The following ENSA variants were observed in gnomAD, a reference collection of about 807,000 sequenced individuals.
ENSA encodes alpha-endosulfine.
A neutral mutation model predicts 16.8 loss-of-function variants in ENSA; 7 were observed. That is an observed-to-expected ratio of 0.42 (90% confidence interval 0.24 to 0.78). ENSA has a LOEUF of 0.78. Among genes scored for constraint, ENSA ranks in the 30% least tolerant of loss-of-function variants. ENSA has a pLI of 0.29. For missense variants in ENSA, 87 were observed against 142.3 expected, an observed-to-expected ratio of 0.61 and a Z score of 1.98; for synonymous variants, 58 against 53.4, an observed-to-expected ratio of 1.09 and a Z score of -0.37.
Position 150,627,452 on chromosome 1 carries a change from G to C in ENSA, c.183+15C>G, listed in dbSNP as rs929956795. The C allele has an allele frequency of 1.2e-6, 2 of 1,614,142 alleles. No individual in the cohort carries two copies. The highest frequency in any genetic ancestry group is 2.2e-5 in the East Asian group (1 of 44,902). ...TTAGCTCCAAAGAAAGAGGGTAAGA[G>C]ACTATGCCCCATACCCCTTTCTGGA... On this transcript the variant is annotated intron_variant, in intron 2 of 3. Transcript: ENST00000369014.
intron 2 of ENSA, chr1:150,626,941 T>C (rs1304320574): frequency 3.4e-6 from 2 of 583,222 alleles, no homozygotes; most frequent in South Asian, 5.2e-5. Flanking sequence ...GCTATGAAAG[T>C]AGACTCTCTC....
At chr1:150,623,557 A>C (rs587723103) in intron 3 of ENSA, 1 of 985,774 alleles carries the variant, frequency 1.0e-6, no homozygotes, top group South Asian at 4.7e-5. Flanking sequence ...ATGATAGAGA[A>C]GGCAGCTCAG....
chr1:150,627,053 C>A, intron 2 of ENSA: 1 of 1,243,454 alleles, frequency 8.0e-7, no homozygotes, highest in Non-Finnish European at 1.0e-6. Context: ...TGATTCATTT[C>A]AAGTTGAGGA....
Position 150,625,698 on chromosome 1 carries a change from G to T in ENSA, c.294C>A (p.Pro98=). 1 of 1,613,152 alleles carries T rather than the reference G, an allele frequency of 6.2e-7. No homozygotes were observed. Among genetic ancestry groups the T allele is most frequent in the Non-Finnish European group, 8.5e-7 (1 of 1,179,610 alleles). ...DKNLVTGDHI[P]TPQDLPQRKS... ...TTCTCTGGGGCAGATCCTGTGGGGT[G>T]GGGATGTGATCACCAGTCACCAGGT... The change falls in exon 3 of 4, where the codon CCC becomes CCA. Residue 98 remains proline (P), a synonymous_variant. Transcript: ENST00000369014.
At chr1:150,622,979 G>T in intron 3 of ENSA, 120 bp from the exon 4 acceptor site, 3 of 1,304,370 alleles carry the variant, frequency 2.3e-6, no homozygotes, top group Non-Finnish European at 3.1e-6. Flanking sequence ...CAACCATTAG[G>T]CTACCTGGCA....
Position 150,629,476 on chromosome 1 carries a change from G to T in ENSA, c.-6C>A. On this transcript the variant is annotated 5_prime_UTR_variant, in exon 1 of 4. Transcript: ENST00000369014. ...TCTTCTTGTTTCTGGGACATGGCGG[G>T]ACCGGGACTGTGGAGTGTAAGGGGC... The T allele has an allele frequency of 6.2e-7, 1 of 1,613,536 alleles. No homozygotes were observed. Among genetic ancestry groups the T allele is most frequent in the South Asian group, 1.1e-5 (1 of 91,030 alleles).
chr1:150,627,414 C>A lies in ENSA; in HGVS notation c.183+53G>T, dbSNP rs772214484. Reference sequence around the variant, plus strand: ...CAGTAGAACCTCTACAGACTTCATTCGAAGAACCTCCTTTAGCTCCAAAGA... The same window carrying A: ...CAGTAGAACCTCTACAGACTTCATTAGAAGAACCTCCTTTAGCTCCAAAGA... On this transcript the variant is annotated intron_variant, in intron 2 of 3. Coordinates refer to ENST00000369014, the MANE Select transcript of ENSA (RefSeq NM_004436.4). 7.4e-6 allele frequency: 12 copies of A among 1,614,180 alleles called. 1 individual carries two copies. Among genetic ancestry groups the A allele is most frequent in the Admixed American group, 5.0e-5 (3 of 60,022 alleles).
At chr1:150,626,945 C>T in intron 2 of ENSA, 2 of 622,776 alleles carry the variant, frequency 3.2e-6, no homozygotes, top group Non-Finnish European at 4.1e-6. Flanking sequence ...TGAAAGTAGA[C>T]TCTCTCTTGG....
downstream of ENSA, chr1:150,621,777 T>C (rs1407337308): frequency 6.6e-6 from 1 of 152,156 alleles, no homozygotes; most frequent in Admixed American, 6.5e-5. Context: ...TTTTGGTTTG[T>C]CACATTTCTC....
intron 3 of ENSA, chr1:150,623,449 C>G (rs1649092696): frequency 1.0e-6 from 1 of 985,682 alleles, no homozygotes; most frequent in African/African-American, 1.7e-5. Context: ...GGTAGAGAGA[C>G]AGAGTGAGAC....
intron 2 of ENSA, chr1:150,626,487 C>G (rs1027232318): frequency 5.0e-6 from 8 of 1,613,354 alleles, no homozygotes; most frequent in South Asian, 1.1e-5. Flanking sequence ...ACCATTTCAT[C>G]CGCACAGAGA....
intron 2 of ENSA, 53 bp from the exon 3 acceptor site, chr1:150,625,861 A>G (rs1649270447): frequency 1.1e-5 from 17 of 1,513,768 alleles, no homozygotes; most frequent in Non-Finnish European, 1.4e-5. Flanking sequence ...CTTCCTCAAA[A>G]ACAAGGAGAC....
intron 3 of ENSA, chr1:150,624,406 G>A (rs1649162659): frequency 6.1e-6 from 6 of 985,874 alleles, no homozygotes; most frequent in Non-Finnish European, 7.2e-6. Flanking sequence ...CAATATACCT[G>A]GCATCAGACT....
intron 1 of ENSA, among the ~76,000 whole-genome samples, chr1:150,628,212 T>C (rs1649484374): frequency 6.6e-6 from 1 of 152,176 alleles, no homozygotes; most frequent in Non-Finnish European, 1.5e-5. Flanking sequence ...GACAAAGCAG[T>C]TCCTTCTTTA....
In ENSA at chr1:150,625,781, T is replaced by G; in HGVS notation, c.211A>C (p.Asn71His). 6.2e-7 allele frequency: 1 copy of G among 1,609,920 alleles called. No homozygotes were observed. Among genetic ancestry groups the G allele is most frequent in the Non-Finnish European group, 8.5e-7 (1 of 1,177,772 alleles). ...TTCTTCATCTTGGCTTTGGCCATGT[T>G]GTAGTCTCCTGAGTCAAAGTACTTT... ...GQKYFDSGDYNMAKAKMKNKQ... is the reference protein window; with the variant it reads ...GQKYFDSGDYHMAKAKMKNKQ... Residue 71 changes from asparagine to histidine, a missense_variant, in exon 3 of 4, where the codon AAC (asparagine) becomes CAC (histidine). By Grantham distance (68) the Asn-to-His change is moderately conservative (BLOSUM62 1). Transcript: ENST00000369014.
intron 3 of ENSA, chr1:150,624,059 T>C (rs1158030215): frequency 4.1e-6 from 4 of 985,328 alleles, no homozygotes; most frequent in Non-Finnish European, 3.6e-6. Flanking sequence ...TCTTGAGCAT[T>C]AGTTCTCACC....
rs796492050 is a variant in ENSA, at chr1:150,623,965, C to CT, written c.351-1107dup. On this transcript the variant is annotated intron_variant, in intron 3 of 3. Transcript: ENST00000369014. Reference sequence around the variant, plus strand: ...TCCCCCCACATGCACATCAGCAAGTCTATCAGTCATTCTCATTGGGCCAAA... The same window carrying CT: ...TCCCCCCACATGCACATCAGCAAGTCTTATCAGTCATTCTCATTGGGCCAAA... 3 of 985,432 alleles carry CT rather than the reference C, an allele frequency of 3.0e-6. No individual in the cohort carries two copies. The African/African-American group carries it at 5.2e-5, about 17-fold the overall frequency. 61.0% of individuals were successfully genotyped at this position (985,432 alleles called of 1,614,324 possible).
intron 2 of ENSA, among the ~76,000 whole-genome samples, chr1:150,626,730 GTAT>G (rs1184176148): frequency 6.6e-6 from 1 of 152,142 alleles, no homozygotes; most frequent in Non-Finnish European, 1.5e-5. Context: ...CTAAGTGTTT[GTAT>G]TATTAATAGA....
intron 3 of ENSA, chr1:150,624,843 TGAG>T: frequency 1.0e-6 from 1 of 976,050 alleles, no homozygotes; most frequent in South Asian, 4.7e-5. Context: ...ATTTTACAGA[TGAG>T]GAAATAGAAA....
Sources: gnomAD v4.1 joint callset for allele counts (sites outside exome capture counted in the v4.1 genomes callset) on GRCh38, gnomAD v4.1.1 for gene constraint, MANE v1.5 for transcripts, NCBI Gene and HGNC (gene_info 2026-07-23, HGNC 2026-07-21) for gene names.